The following ANXA7 variants were observed in gnomAD, a reference collection of about 807,000 sequenced individuals.
The protein encoded by ANXA7 is annexin A7.
ANXA7 carries 55 observed loss-of-function variants against 64.9 expected under a neutral mutation model. The ratio of observed to expected loss-of-function variants is 0.85; its 90% CI spans 0.68 to 1.06. ANXA7 has a LOEUF of 1.06. ANXA7 is among the 50% of genes least tolerant of loss of function. The pLI is 0.00. For synonymous variants in ANXA7, 200 were observed against 192.4 expected (o/e 1.04, Z -0.33); for missense variants, 548 against 582.1 (o/e 0.94, Z 0.60).
Position 73,390,534 on chromosome 10 carries a change from C to A in ANXA7, c.436-2120G>T, listed in dbSNP as rs1478921476. Among the ~76,000 whole-genome samples, 3 of 151,834 alleles carry A rather than the reference C, an allele frequency of 2.0e-5. 1 individual carries two copies. The South Asian group carries it at 6.2e-4, about 32-fold the overall frequency. On this transcript the variant is annotated intron_variant, in intron 5 of 12. Coordinates refer to ENST00000372921, the MANE Select transcript of ANXA7 (RefSeq NM_001156.5). ...GTCGAGTATAAAAAAATTTTATAAG[C>A]CTTCATGTCTCAAGAAACTAAGTTT... is the stretch of plus-strand genomic sequence containing the variant.
intron 1 of ANXA7, among the ~76,000 whole-genome samples, chr10:73,405,258 G>C (rs2055736812): frequency 7.0e-6 from 1 of 142,100 alleles, no homozygotes; most frequent in Non-Finnish European, 1.5e-5. Flanking sequence ...AAAAAAAAAG[G>C]CTGGGTGCAG....
At position 73,405,982 on chromosome 10, in the gene ANXA7, T is replaced by C. The variant is rs551184759; in HGVS notation, c.-1-5125A>G. Among the ~76,000 whole-genome samples, 3 of 151,562 alleles carry C rather than the reference T, an allele frequency of 2.0e-5. No individual in the cohort carries two copies. In the South Asian group the frequency reaches 6.2e-4, roughly 32 times the overall value. On this transcript the variant is annotated intron_variant, in intron 1 of 12. Transcript: ENST00000372921. Reference sequence around the variant, plus strand: ...CTTCTTTTTTTTTTTTGAGACAGAGTTTCGCTCTTGTCACCCCAGCTGGAG... The same window carrying C: ...CTTCTTTTTTTTTTTTGAGACAGAGCTTCGCTCTTGTCACCCCAGCTGGAG...
intron 5 of ANXA7, chr10:73,396,082 G>C: frequency 6.2e-7 from 1 of 1,601,684 alleles, no homozygotes; most frequent in Non-Finnish European, 8.6e-7. Context: ...GAGAAAACAG[G>C]ATAGGAAGAA....
At chr10:73,412,040 T>C (rs1202677810) in intron 1 of ANXA7, among the ~76,000 whole-genome samples, 2 of 152,094 alleles carry the variant, frequency 1.3e-5, no homozygotes, top group African/African-American at 4.8e-5. Context: ...TATTTACCTT[T>C]CTTTTTTCTT....
chr10:73,411,762 G>A (rs890698137), intron 1 of ANXA7, among the ~76,000 whole-genome samples: 2 of 151,940 alleles, frequency 1.3e-5, no homozygotes, highest in Non-Finnish European at 2.9e-5. Context: ...GGAGGGACAG[G>A]TGAAACAGAT....
At chr10:73,377,773 G>GGTGTGTGTGTGTGTGTGTGT (rs368036663) in intron 12 of ANXA7, among the ~76,000 whole-genome samples, 23 of 124,846 alleles carry the variant, frequency 1.8e-4, no homozygotes, top group African/African-American at 7.4e-4. Flanking sequence ...GGTGGGTGTG[G>GGTGTGTGTGTGTGTGTGTGT]GTGTGTGTGT....
rs762320361 is a variant in ANXA7 at position 73,375,259 on chromosome 10, G to A, written c.*836C>T. ...TGCTAGAGGTTTAATGTAGAGCACA[G>A]TATCTATAGTTAATAATGTACTGAA... On this transcript the variant is annotated 3_prime_UTR_variant, in exon 13 of 13. Coordinates refer to ENST00000372921, the MANE Select transcript of ANXA7 (RefSeq NM_001156.5). The A allele has an allele frequency of 6.6e-6, 1 of 152,156 alleles. No individual in the cohort carries two copies. The highest frequency in any genetic ancestry group is 1.5e-5 in the Non-Finnish European group (1 of 68,022). The allele number at this position is 152,156 out of a possible 1,614,324, so 9.4% of individuals were successfully genotyped here. A position where few individuals can be genotyped will look rare whatever the true frequency, so the allele number is the denominator to read the frequency against.
At chr10:73,386,214 T>TAAAAAAAAAAA (rs377002771) in intron 7 of ANXA7, among the ~76,000 whole-genome samples, 3 of 83,392 alleles carry the variant, frequency 3.6e-5, no homozygotes, top group African/African-American at 8.1e-5. Context: ...CAAAAAAAAG[T>TAAAAAAAAAAA]AAAAAAAAAA....
At chr10:73,382,875 T>C (rs183160544) in intron 9 of ANXA7, among the ~76,000 whole-genome samples, 2 of 152,286 alleles carry the variant, frequency 1.3e-5, no homozygotes, top group African/African-American at 2.4e-5. Flanking sequence ...ATGGGCAGGA[T>C]AGTGATAAGC....
intron 5 of ANXA7, among the ~76,000 whole-genome samples, chr10:73,392,505 G>T (rs1193256173): frequency 6.6e-6 from 1 of 152,146 alleles, no homozygotes; most frequent in Non-Finnish European, 1.5e-5. Context: ...TATCCATCAC[G>T]ATCAAGTTGG....
intron 7 of ANXA7, among the ~76,000 whole-genome samples, chr10:73,386,823 A>G (rs998469471): frequency 6.6e-6 from 1 of 152,062 alleles, no homozygotes; most frequent in Non-Finnish European, 1.5e-5. Flanking sequence ...ACACGCCACC[A>G]CGCCCAGCTA....
chr10:73,413,093 G>A (rs149000588), intron 1 of ANXA7, among the ~76,000 whole-genome samples: 2 of 152,266 alleles, frequency 1.3e-5, no homozygotes, highest in African/African-American at 4.8e-5. Flanking sequence ...CAGTGATGTG[G>A]AGAAAGAACA....
chr10:73,380,077 G>T lies in ANXA7; in HGVS notation c.1043C>A (p.Thr348Lys). The change falls in exon 10 of 13, where the codon ACA (threonine) becomes AAA (lysine). Residue 348 changes from threonine (T) to lysine (K), a missense_variant. Transcript: ENST00000372921. ...DESCFNMILATRSFPQLRATM... is the reference protein window; with the variant it reads ...DESCFNMILAKRSFPQLRATM... ...AGCTCTCAGCTGAGGAAAGCTTCTT[G>T]TGGCAAGGATCATGTTAAAGCAAGA... 1 of 1,614,134 alleles carries T rather than the reference G, an allele frequency of 6.2e-7. No homozygotes were observed. Among genetic ancestry groups the T allele is most frequent in the Non-Finnish European group, 8.5e-7 (1 of 1,180,030 alleles).
chr10:73,388,353 A>G lies in ANXA7; in HGVS notation c.497T>C (p.Ile166Thr). Residue 166 changes from isoleucine to threonine, a missense_variant, in exon 6 of 13, where the codon ATA (isoleucine) becomes ACA (threonine). Ile to Thr is a moderately conservative substitution (Grantham distance 89). Transcript: ENST00000372921. ...TIRPAANFDA[I>T]RDAEILRKAM... ...CTTACGAAGAATTTCTGCATCTCTT[A>G]TAGCATCGAAGTTGGCAGCTGGTCG... The G allele has an allele frequency of 4.3e-6, 7 of 1,614,098 alleles. No individual in the cohort carries two copies. Among genetic ancestry groups the G allele is most frequent in the Non-Finnish European group, 5.9e-6 (7 of 1,179,964 alleles).
chr10:73,397,542 C>T (rs567490520), intron 3 of ANXA7, among the ~76,000 whole-genome samples: 3 of 152,170 alleles, frequency 2.0e-5, no homozygotes, highest in Non-Finnish European at 2.9e-5. Context: ...ACTGCAAACT[C>T]TACCTACCAC....
At chr10:73,393,923 AC>A (rs1433800444) in intron 5 of ANXA7, among the ~76,000 whole-genome samples, 2 of 152,256 alleles carry the variant, frequency 1.3e-5, no homozygotes, top group Non-Finnish European at 2.9e-5. Context: ...TGAACAGGCA[AC>A]CTACAGAATG....
chr10:73,388,268 A>T, intron 6 of ANXA7, 44 bp downstream of exon 6: 3 of 1,408,960 alleles, frequency 2.1e-6, no homozygotes, highest in Non-Finnish European at 3.0e-6. Flanking sequence ...TTTAGAACTG[A>T]TTACTTTAAC....
intron 1 of ANXA7, among the ~76,000 whole-genome samples, chr10:73,403,842 A>G (rs954499212): frequency 2.0e-5 from 3 of 152,232 alleles, no homozygotes; most frequent in Non-Finnish European, 4.4e-5. Flanking sequence ...TAGCTTCTCA[A>G]AGGAAGTTAC....
At chr10:73,408,909 AATT>A (rs1305180555) in intron 1 of ANXA7, among the ~76,000 whole-genome samples, 1 of 152,232 alleles carries the variant, frequency 6.6e-6, no homozygotes, top group Non-Finnish European at 1.5e-5. Flanking sequence ...ACATAAACAG[AATT>A]AAAAACAAAA....
Sources: allele counts gnomAD v4.1 joint callset (sites outside exome capture counted in the v4.1 genomes callset), GRCh38; gene constraint gnomAD v4.1.1; transcripts MANE v1.5; gene names NCBI Gene and HGNC (gene_info 2026-07-23, HGNC 2026-07-21).